Variants in GANC observed in about 807,000 individuals in gnomAD.
GANC encodes the protein neutral alpha-glucosidase C.
A neutral mutation model predicts 124.2 loss-of-function variants in GANC; 117 were observed. The ratio of observed to expected loss-of-function variants is 0.94; its 90% CI spans 0.81 to 1.10. The LOEUF (loss-of-function observed/expected upper bound fraction) is 1.10, where lower values mean the gene tolerates loss of function less well. Among genes scored for constraint, GANC ranks in the 50% least tolerant of loss-of-function variants. The probability of loss-of-function intolerance (pLI) is 0.00; values close to 1 mark genes in which losing one functional copy is unlikely to be tolerated. For missense variants in GANC, 1,140 were observed against 1,095.0 expected, an observed-to-expected ratio of 1.04 and a Z score of -0.58; for synonymous variants, 377 against 376.8, an observed-to-expected ratio of 1.00 and a Z score of -0.01.
intron 6 of GANC, among the ~76,000 whole-genome samples, chr15:42,304,839 A>G (rs561636645): frequency 3.3e-5 from 5 of 152,296 alleles, no homozygotes; most frequent in East Asian, 1.9e-4. Context: ...ATCTTTGACA[A>G]CCTGACAAAA....
intron 4 of GANC, among the ~76,000 whole-genome samples, chr15:42,290,418 A>T (rs1595765326): frequency 6.6e-6 from 1 of 152,236 alleles, no homozygotes; most frequent in East Asian, 1.9e-4. Context: ...AGGTACATAT[A>T]GCTGAAAATC....
chr15:42,273,464 G>C lies in GANC; in HGVS notation c.-1018G>C, dbSNP rs888397674. ...CTTCCGGTTCGTCCCGCCTTCTTCC[G>C]GCTCTGCTCTAAGGGCGGGATTATC... On this transcript the variant is annotated 5_prime_UTR_variant, in exon 1 of 24. Coordinates refer to ENST00000318010, the MANE Select transcript of GANC (RefSeq NM_198141.3). 1.2e-6 allele frequency: 2 copies of C among 1,601,750 alleles called. No homozygotes were observed. The highest frequency in any genetic ancestry group is 2.2e-5 in the South Asian group (2 of 90,232).
chr15:42,297,730 T>C, intron 6 of GANC, 74 bp downstream of exon 6: 1 of 1,106,468 alleles, frequency 9.0e-7, no homozygotes, highest in South Asian at 1.4e-5. Flanking sequence ...AGGAATTCTC[T>C]TTCTTCCTTC....
chr15:42,286,203 G>C (rs1186811388), intron 3 of GANC, among the ~76,000 whole-genome samples: 2 of 152,054 alleles, frequency 1.3e-5, no homozygotes, highest in African/African-American at 2.4e-5. Context: ...TATTCCTCTA[G>C]AGAAATGTCC....
At chr15:42,325,901 T>A (rs112725106) in intron 11 of GANC, among the ~76,000 whole-genome samples, 1 of 152,134 alleles carries the variant, frequency 6.6e-6, no homozygotes, top group African/African-American at 2.4e-5. Context: ...GGACCACAGG[T>A]GGACACCACC....
intron 5 of GANC, among the ~76,000 whole-genome samples, chr15:42,295,639 G>GACACACACACACAC (rs60220273): frequency 5.1e-5 from 7 of 137,722 alleles, no homozygotes; most frequent in East Asian, 2.1e-4. Flanking sequence ...CTTTATTATA[G>GACACACACACACAC]ACACACACAC....
intron 5 of GANC, among the ~76,000 whole-genome samples, chr15:42,295,132 G>A (rs781430684): frequency 2.0e-5 from 3 of 151,602 alleles, no homozygotes; most frequent in South Asian, 2.1e-4. Context: ...CACCATGCCC[G>A]GCTAATTTTG....
rs780659931 is a variant in GANC at position 42,329,336 on chromosome 15, G to T, written c.1531G>T (p.Asp511Tyr). 6.8e-6 allele frequency: 11 copies of T among 1,613,784 alleles called. No homozygotes were observed. The Admixed American group carries it at 1.8e-4, about 27-fold the overall frequency. The change falls in exon 14 of 24, where the codon GAC (aspartate) becomes TAC (tyrosine). Residue 511 changes from aspartate (D) to tyrosine (Y), a missense_variant. Asp to Tyr is a radical substitution (Grantham distance 160, BLOSUM62 -3). Transcript: ENST00000318010. ...GSTDILFLWN[D>Y]MNEPSVFRGP... is the part of the protein sequence containing the mutation. ...TACGGACATCCTCTTCCTTTGGAATGACATGAATGAGCCTTCTGTCTTTAG... is the reference window on the plus strand; with the variant it reads ...TACGGACATCCTCTTCCTTTGGAATTACATGAATGAGCCTTCTGTCTTTAG...
At chr15:42,309,237 C>T (rs1230719259) in intron 8 of GANC, among the ~76,000 whole-genome samples, 1 of 152,176 alleles carries the variant, frequency 6.6e-6, no homozygotes, top group Admixed American at 6.5e-5. Flanking sequence ...GTGCTGCTCT[C>T]ACACTGATTT....
chr15:42,309,062 A>G (rs781376292), intron 8 of GANC, among the ~76,000 whole-genome samples: 1 of 152,212 alleles, frequency 6.6e-6, no homozygotes, highest in Non-Finnish European at 1.5e-5. Context: ...TATCACCTTT[A>G]GTTTCCTCAG....
Position 42,274,408 on chromosome 15 carries a change from A to C in GANC, c.-74A>C. 6.6e-7 allele frequency: 1 copy of C among 1,506,112 alleles called. No individual in the cohort carries two copies. Among genetic ancestry groups the C allele is most frequent in the South Asian group, 1.2e-5 (1 of 83,322 alleles). 93.3% of individuals were successfully genotyped at this position (1,506,112 alleles called of 1,614,324 possible). A position where few individuals can be genotyped will look rare whatever the true frequency, so the allele number is the denominator to read the frequency against. ...TGGTTGTAATTTTAGAAAGACACCC[A>C]ATCGGCTTTTTTAAAAGATCGCCCA... is the stretch of plus-strand genomic sequence containing the variant. On this transcript the variant is annotated 5_prime_UTR_variant, in exon 1 of 24. Transcript: ENST00000318010.
chr15:42,287,074 C>T (rs558317190), intron 3 of GANC, among the ~76,000 whole-genome samples: 2 of 152,222 alleles, frequency 1.3e-5, no homozygotes, highest in South Asian at 4.1e-4. Flanking sequence ...TTTCCGTGTC[C>T]CACGGTAGGC....
chr15:42,335,193 GA>G (rs1322202598), intron 15 of GANC, among the ~76,000 whole-genome samples: 3 of 152,110 alleles, frequency 2.0e-5, no homozygotes, highest in Non-Finnish European at 2.9e-5. Flanking sequence ...TATCCTCGAT[GA>G]ACATTGATGC....
intron 1 of GANC, among the ~76,000 whole-genome samples, chr15:42,275,374 A>C (rs1399359769): frequency 2.0e-5 from 3 of 152,146 alleles, no homozygotes; most frequent in African/African-American, 7.2e-5. Flanking sequence ...ATCCTGTCTC[A>C]AAAAAAATTT....
At chr15:42,347,189 AAAG>A (rs1302563731) in intron 20 of GANC, among the ~76,000 whole-genome samples, 4 of 124,230 alleles carry the variant, frequency 3.2e-5, no homozygotes, top group African/African-American at 6.4e-5. Context: ...AAAAAAAAAA[AAAG>A]AAGAGAGAGA....
At chr15:42,349,557 CTCAAA>C (rs60385918) in intron 22 of GANC, 62 bp downstream of exon 22, 162,455 of 941,738 alleles carry the variant, frequency 0.17, 19,957 homozygotes, top group African/African-American at 0.48. Flanking sequence ...GTTCAGCATC[CTCAAA>C]TCAAATGCAC....
intron 21 of GANC, 79 bp from the exon 22 acceptor site, chr15:42,349,304 G>T (rs1199899627): frequency 1.1e-6 from 1 of 896,640 alleles, no homozygotes; most frequent in Non-Finnish European, 1.8e-6. Context: ...TTACTCTGTT[G>T]TTACCCTTTA....
At chr15:42,315,476 C>CAAAAAAATGG (rs1321044758) in intron 10 of GANC, among the ~76,000 whole-genome samples, 1 of 151,836 alleles carries the variant, frequency 6.6e-6, no homozygotes, top group Non-Finnish European at 1.5e-5. Flanking sequence ...TGGCTAAATC[C>CAAAAAAATGG]AAAAAAATGG....
At chr15:42,291,422 C>T (rs2051841077) in intron 4 of GANC, among the ~76,000 whole-genome samples, 1 of 152,096 alleles carries the variant, frequency 6.6e-6, no homozygotes, top group Non-Finnish European at 1.5e-5. Context: ...GGAAATGATC[C>T]ACAGACTTAG....
Sources: allele counts gnomAD v4.1 joint callset (sites outside exome capture counted in the v4.1 genomes callset), GRCh38; gene constraint gnomAD v4.1.1; transcripts MANE v1.5; gene names NCBI Gene and HGNC (gene_info 2026-07-23, HGNC 2026-07-21).